The following TVP23A variants were observed in gnomAD, a reference collection of about 807,000 sequenced individuals.
TVP23A encodes Golgi apparatus membrane protein TVP23 homolog A.
A neutral mutation model predicts 31.7 loss-of-function variants in TVP23A; 21 were observed. The observed-to-expected ratio is 0.66, with a 90% CI of 0.47 to 0.95. The LOEUF (loss-of-function observed/expected upper bound fraction) is 0.95, where lower values mean the gene tolerates loss of function less well. Among genes scored for constraint, TVP23A ranks in the 40% least tolerant of loss-of-function variants. The pLI, the probability that TVP23A is intolerant of heterozygous loss-of-function variation, is 0.00. For synonymous variants in TVP23A, 104 were observed against 96.0 expected (o/e 1.08, Z -0.49); for missense variants, 279 against 255.6 (o/e 1.09, Z -0.62).
chr16:10,793,440 C>T (rs1229445528), intron 2 of TVP23A, among the ~76,000 whole-genome samples: 1 of 152,266 alleles, frequency 6.6e-6, no homozygotes, highest in East Asian at 1.9e-4. Flanking sequence ...CACCCTCCAC[C>T]TCTGGGCACT....
At chr16:10,766,567 CAG>C (rs932364772), downstream of TVP23A, 11 of 166,068 alleles carry the variant, frequency 6.6e-5, no homozygotes, top group Non-Finnish European at 1.4e-4. The surrounding 1 kb of genome is among the most constrained non-coding windows in gnomAD (Gnocchi z 4.8). Flanking sequence ...AACGTGCACT[CAG>C]GGGCCTCCCT....
At position 10,767,993 on chromosome 16, in the gene TVP23A, G is replaced by T. The variant is rs1248712331; in HGVS notation, c.*1109C>A. On this transcript the variant is annotated 3_prime_UTR_variant, in exon 8 of 8. Transcript: ENST00000299866. This position sits in a 1 kb window ranked among gnomAD's most constrained non-coding sequence, Gnocchi z 4.6. Reference sequence around the variant, plus strand: ...CCAGTCTTTTTTCATTGACGCCCCAGATTCCCCAGCCACGTTAGCCTACAG... The same window carrying T: ...CCAGTCTTTTTTCATTGACGCCCCATATTCCCCAGCCACGTTAGCCTACAG... The T allele has an allele frequency of 6.2e-7, 1 of 1,614,102 alleles. No homozygotes were observed. Among genetic ancestry groups the T allele is most frequent in the Admixed American group, 1.7e-5 (1 of 60,012 alleles).
At chr16:10,786,337 G>A (rs1037822059) in intron 2 of TVP23A, among the ~76,000 whole-genome samples, 1 of 152,092 alleles carries the variant, frequency 6.6e-6, no homozygotes, top group Admixed American at 6.5e-5. Flanking sequence ...ACTTTGGGAG[G>A]CTGAGTCAGG....
At chr16:10,785,490 G>A (rs1270278826) in intron 2 of TVP23A, among the ~76,000 whole-genome samples, 1 of 152,214 alleles carries the variant, frequency 6.6e-6, no homozygotes, top group East Asian at 1.9e-4. Flanking sequence ...CTGGGAGGAG[G>A]CACAAACATC....
chr16:10,775,275 TC>T, intron 2 of TVP23A, 179 bp from the exon 3 acceptor site: 1 of 1,425,542 alleles, frequency 7.0e-7, no homozygotes, highest in Non-Finnish European at 9.2e-7. Flanking sequence ...AGGTCAGCAG[TC>T]CCCAGACAGT....
At chr16:10,797,265 G>A (rs746452018) in intron 2 of TVP23A, among the ~76,000 whole-genome samples, 61 of 152,024 alleles carry the variant, frequency 4.0e-4, no homozygotes, top group Non-Finnish European at 7.6e-4. Flanking sequence ...CAGGCGCAGT[G>A]GTTCATGGCC....
At chr16:10,761,356 C>G in exon 9 of TVP23A, 1 of 1,613,088 alleles carries the variant, frequency 6.2e-7, no homozygotes, top group Non-Finnish European at 8.5e-7. Flanking sequence ...GTCTTTTCAC[C>G]TTCGTAGGAG....
rs138334387 is a variant in TVP23A, at chr16:10,775,140, G to A, written c.90-44C>T. ...GGCGCCCTCACTCCAAGAGCTAAGC[G>A]GATGGTCACTGAACTCCCTTTACCA... On this transcript the variant is annotated intron_variant, in intron 2 of 7. Coordinates refer to ENST00000299866, the MANE Select transcript of TVP23A (RefSeq NM_001079512.4). 804 of 1,575,602 alleles carry A rather than the reference G, an allele frequency of 5.1e-4. 5 individuals carry two copies. The African/African-American group carries it at 8.5e-3, about 17-fold the overall frequency.
At chr16:10,773,728 G>A (rs936784441) in intron 4 of TVP23A, among the ~76,000 whole-genome samples, 1 of 151,974 alleles carries the variant, frequency 6.6e-6, no homozygotes, top group African/African-American at 2.4e-5. Context: ...CTGCCACCAC[G>A]CCCAGCTAAT....
chr16:10,758,561 G>T (rs185946113), downstream of TVP23A, among the ~76,000 whole-genome samples: 1 of 152,140 alleles, frequency 6.6e-6, no homozygotes, highest in Non-Finnish European at 1.5e-5. Context: ...TTAGTCCATG[G>T]ATTAAACAAT....
At chr16:10,814,497 C>T (rs1284948139) in intron 2 of TVP23A, among the ~76,000 whole-genome samples, 1 of 152,146 alleles carries the variant, frequency 6.6e-6, no homozygotes, top group Non-Finnish European at 1.5e-5. Context: ...GCAAGGCGGG[C>T]CGATTCTACC....
chr16:10,794,775 G>A (rs2033295496), intron 2 of TVP23A, among the ~76,000 whole-genome samples: 1 of 152,072 alleles, frequency 6.6e-6, no homozygotes. Context: ...CTGAGAGGGG[G>A]CCACCTGTCC....
Position 10,771,757 on chromosome 16 carries a change from C to T in TVP23A, c.495G>A (p.Leu165=). ...CCATCTTACAAAGGATGTAGCCATA[C>T]AGGTTTGCAGCTTGGAGAGAGATCC... The part of the protein sequence containing the change: ...VAGISLQAAN[L]YGYILCKMGG... Residue 165 remains leucine (L), a synonymous_variant, in exon 6 of 8, where the codon CTG becomes CTA. Coordinates refer to ENST00000299866, the MANE Select transcript of TVP23A (RefSeq NM_001079512.4). 1 of 1,599,198 alleles carries T rather than the reference C, an allele frequency of 6.3e-7. No individual in the cohort carries two copies. The highest frequency in any genetic ancestry group is 8.5e-7 in the Non-Finnish European group (1 of 1,172,628).
chr16:10,775,798 G>T (rs1231587753), intron 2 of TVP23A, among the ~76,000 whole-genome samples: 3 of 144,308 alleles, frequency 2.1e-5, no homozygotes, highest in African/African-American at 7.8e-5. Context: ...CCCTAGGCTG[G>T]AGTGCAGTGG....
chr16:10,770,473 G>C (rs2031500119), intron 6 of TVP23A, 142 bp from the exon 7 acceptor site: 2 of 836,350 alleles, frequency 2.4e-6, no homozygotes, highest in African/African-American at 1.8e-5. Context: ...AAGCAGTGCT[G>C]TTCAAATTTA....
At chr16:10,805,626 G>A (rs1259092886) in intron 2 of TVP23A, among the ~76,000 whole-genome samples, 1 of 150,664 alleles carries the variant, frequency 6.6e-6, no homozygotes, top group African/African-American at 2.4e-5. Context: ...ACGTGAAGAG[G>A]ACTCCTCAGG....
chr16:10,789,824 C>A lies in TVP23A; in HGVS notation c.90-14728G>T, dbSNP rs562141736. On this transcript the variant is annotated intron_variant, in intron 2 of 7. Coordinates refer to ENST00000299866, the MANE Select transcript of TVP23A (RefSeq NM_001079512.4). ...CCAGCCTGGATGACAGAGTGAGACTCTGTCTCAAAAAAAAAAAAAAAAGGT... is the reference window on the plus strand; with the variant it reads ...CCAGCCTGGATGACAGAGTGAGACTATGTCTCAAAAAAAAAAAAAAAAGGT... Among the ~76,000 whole-genome samples, 299 of 141,736 alleles carry A rather than the reference C, an allele frequency of 2.1e-3. 1 individual carries two copies. Among genetic ancestry groups the A allele is most frequent in the African/African-American group, 7.6e-3 (282 of 37,008 alleles). 93.0% of individuals were successfully genotyped at this position (141,736 alleles called of 152,430 possible).
At chr16:10,791,970 G>C (rs1026413569) in intron 2 of TVP23A, among the ~76,000 whole-genome samples, 6 of 152,210 alleles carry the variant, frequency 3.9e-5, no homozygotes, top group African/African-American at 1.4e-4. Flanking sequence ...CAAGTCGAAA[G>C]CCCATTTGTG....
chr16:10,788,279 T>C (rs2032887509), intron 2 of TVP23A, among the ~76,000 whole-genome samples: 2 of 151,832 alleles, frequency 1.3e-5, no homozygotes, highest in Non-Finnish European at 2.9e-5. Context: ...AAGGTTTTTT[T>C]TTTGTTTTTT....
Sources: allele counts gnomAD v4.1 joint callset (sites outside exome capture counted in the v4.1 genomes callset), GRCh38; gene constraint gnomAD v4.1.1; non-coding constraint Gnocchi (gnomAD v3.1); transcripts MANE v1.5; gene names NCBI Gene and HGNC (gene_info 2026-07-23, HGNC 2026-07-21).